Variants in ABCC9 observed in about 807,000 individuals in gnomAD.
ABCC9 encodes ATP-binding cassette sub-family C member 9.
A neutral mutation model predicts 188.3 loss-of-function variants in ABCC9; 95 were observed. The ratio of observed to expected loss-of-function variants is 0.50; its 90% CI spans 0.43 to 0.60. ABCC9 has a LOEUF of 0.60. Among genes scored for constraint, ABCC9 ranks in the 20% least tolerant of loss-of-function variants. The probability of loss-of-function intolerance (pLI) is 0.00; values close to 1 mark genes in which losing one functional copy is unlikely to be tolerated. For synonymous variants in ABCC9, 659 were observed against 652.7 expected (o/e 1.01, Z -0.15); for missense variants, 1,102 against 1,876.3 (o/e 0.59, Z 7.62).
intron 8 of ABCC9, 44 bp downstream of exon 8, chr12:21,912,828 A>G: frequency 6.3e-7 from 1 of 1,589,396 alleles, no homozygotes. Context: ...TTACAATGAA[A>G]TCCATCAATA....
Position 21,926,038 on chromosome 12 carries a change from G to T in ABCC9, c.310C>A (p.Leu104Ile). 1.2e-6 allele frequency: 2 copies of T among 1,614,148 alleles called. No individual in the cohort carries two copies. Among genetic ancestry groups the T allele is most frequent in the Non-Finnish European group, 1.7e-6 (2 of 1,180,016 alleles). Residue 104 changes from leucine (L) to isoleucine (I), a missense_variant, in exon 5 of 40, where the codon CTC (leucine) becomes ATC (isoleucine). Coordinates refer to ENST00000261200, the MANE Select transcript of ABCC9 (RefSeq NM_020297.4). ...AATCCCATCACGGCTGGCATAAAGA[G>T]GTGGAGGTGCCTTGATTCCCGCCGC... ...DSRRESRHLH[L>I]FMPAVMGFVA...
chr12:21,919,861 T>C (rs1418039771), intron 5 of ABCC9, among the ~76,000 whole-genome samples: 2 of 152,026 alleles, frequency 1.3e-5, no homozygotes, highest in South Asian at 4.1e-4. Context: ...GTAAAAAGCC[T>C]TAACAAATGA....
chr12:21,913,746 AATTTTAAGACC>A (rs1474776855), intron 7 of ABCC9, among the ~76,000 whole-genome samples: 1 of 152,200 alleles, frequency 6.6e-6, no homozygotes, highest in Non-Finnish European at 1.5e-5. Flanking sequence ...TTGTAAATAA[AATTTTAAGACC>A]TGAGCAATCA....
chr12:21,915,514 A>ATATATATATATTTTTTTTTTTTTTTTTTT lies in ABCC9; in HGVS notation c.816+153_816+154insAAAAAAAAAAAAAAAAAAATATATATATA. 5.7e-4 allele frequency among the ~76,000 whole-genome samples: 2 copies of ATATATATATATTTTTTTTTTTTTTTTTTT among 3,520 alleles called. 1 individual carries two copies. Among genetic ancestry groups the ATATATATATATTTTTTTTTTTTTTTTTTT allele is most frequent in the African/African-American group, 2.2e-3 (2 of 922 alleles). 2.3% of individuals were successfully genotyped at this position (3,520 alleles called of 152,430 possible). ...TGTGTGTGTGTGTATATATATATAT[A>ATATATATATATTTTTTTTTTTTTTTTTTT]TTTTTTTTTTTTTTTTGAGACAGAG... On this transcript the variant is annotated intron_variant, in intron 7 of 39. Transcript: ENST00000261200.
rs144446899 is a variant in ABCC9 at position 21,800,106 on chromosome 12, C to G, written c.*938G>C. Reference sequence around the variant, plus strand: ...TATAACTTCAAAGTGTAAGATATCTCCAGCCTGCCAGTGGACTGTTTCATA... The same window carrying G: ...TATAACTTCAAAGTGTAAGATATCTGCAGCCTGCCAGTGGACTGTTTCATA... On this transcript the variant is annotated 3_prime_UTR_variant, in exon 40 of 40. Coordinates refer to ENST00000261200, the MANE Select transcript of ABCC9 (RefSeq NM_020297.4). The G allele has an allele frequency of 3.3e-5, 5 of 152,258 alleles. No individual in the cohort carries two copies. Among genetic ancestry groups the G allele is most frequent in the African/African-American group, 1.2e-4 (5 of 41,544 alleles). 9.4% of individuals were successfully genotyped at this position (152,258 alleles called of 1,614,324 possible). A position where few individuals can be genotyped will look rare whatever the true frequency, so the allele number is the denominator to read the frequency against.
Position 21,894,849 on chromosome 12 carries a change from A to G in ABCC9, c.1659+426T>C, listed in dbSNP as rs917074838. Among the ~76,000 whole-genome samples, 4 of 152,100 alleles carry G rather than the reference A, an allele frequency of 2.6e-5. No individual in the cohort carries two copies. In the East Asian group the frequency reaches 5.8e-4, roughly 22 times the overall value. ...ATGAAATATAATGCAATTATTTAAGATTTTCTGGTTATTGATCTAGCTCCA... is the reference window on the plus strand; with the variant it reads ...ATGAAATATAATGCAATTATTTAAGGTTTTCTGGTTATTGATCTAGCTCCA... On this transcript the variant is annotated intron_variant, in intron 13 of 39. Transcript: ENST00000261200.
intron 14 of ABCC9, among the ~76,000 whole-genome samples, chr12:21,892,319 A>G (rs1034682134): frequency 4.6e-5 from 7 of 152,128 alleles, no homozygotes; most frequent in Non-Finnish European, 1.0e-4. Flanking sequence ...TCCTGATTTC[A>G]GAGGTGTTAT....
intron 2 of ABCC9, among the ~76,000 whole-genome samples, chr12:21,939,396 T>G (rs1949611929): frequency 6.6e-6 from 1 of 152,220 alleles, no homozygotes; most frequent in South Asian, 2.1e-4. Flanking sequence ...GGCAGTAAAC[T>G]TATTGCTGAT....
intron 18 of ABCC9, among the ~76,000 whole-genome samples, chr12:21,868,586 C>A (rs1331233812): frequency 1.3e-5 from 2 of 152,072 alleles, no homozygotes; most frequent in Non-Finnish European, 2.9e-5. Flanking sequence ...TTGCAGTGAG[C>A]CAAGATCATG....
chr12:21,926,697 T>C (rs1949058880), intron 4 of ABCC9, among the ~76,000 whole-genome samples: 2 of 152,162 alleles, frequency 1.3e-5, no homozygotes, highest in Admixed American at 1.3e-4. Context: ...AAACTGACAC[T>C]TCAAGAATCA....
Position 21,828,950 on chromosome 12 carries a change from G to T in ABCC9, c.3669+8C>A. On this transcript the variant is annotated splice_region_variant and intron_variant, in intron 31 of 39. Coordinates refer to ENST00000261200, the MANE Select transcript of ABCC9 (RefSeq NM_020297.4). ...GGTTTCCATTTCGAAATCATGAAAT[G>T]AACGTACCGTCCTGACCTCCAGCCA... The T allele has an allele frequency of 6.2e-7, 1 of 1,609,934 alleles. No homozygotes were observed. The highest frequency in any genetic ancestry group is 1.3e-5 in the African/African-American group (1 of 74,956).
At chr12:21,847,293 T>A (rs1944725084) in intron 25 of ABCC9, among the ~76,000 whole-genome samples, 1 of 152,202 alleles carries the variant, frequency 6.6e-6, no homozygotes, top group African/African-American at 2.4e-5. Flanking sequence ...GAAGCTGATG[T>A]CTGTTTACAG....
intron 8 of ABCC9, among the ~76,000 whole-genome samples, chr12:21,911,626 G>T (rs1365664725): frequency 6.6e-6 from 1 of 151,960 alleles, no homozygotes; most frequent in Non-Finnish European, 1.5e-5. Flanking sequence ...AAGAAGGAAA[G>T]ATAACATTTG....
chr12:21,910,370 T>G lies in ABCC9; in HGVS notation c.1165-58A>C, dbSNP rs1055595907. The G allele has an allele frequency of 2.1e-6, 3 of 1,444,092 alleles. No homozygotes were observed. In the East Asian group the frequency reaches 6.8e-5, roughly 33 times the overall value. The allele number at this position is 1,444,092 out of a possible 1,614,324, so 89.5% of individuals were successfully genotyped here. ...TCTAAACTTAAAATTGACACTATGATTATTTTCACTGAAAATAAATAACAA... is the reference window on the plus strand; with the variant it reads ...TCTAAACTTAAAATTGACACTATGAGTATTTTCACTGAAAATAAATAACAA... On this transcript the variant is annotated intron_variant, in intron 9 of 39. Transcript: ENST00000261200.
intron 29 of ABCC9, among the ~76,000 whole-genome samples, chr12:21,840,931 TC>T (rs1944348446): frequency 3.9e-5 from 6 of 152,260 alleles, no homozygotes; most frequent in Admixed American, 3.9e-4. Context: ...TCTTTCACCT[TC>T]CTTGCACTCA....
At chr12:21,821,984 TA>T (rs1352400503) in intron 31 of ABCC9, among the ~76,000 whole-genome samples, 1 of 152,152 alleles carries the variant, frequency 6.6e-6, no homozygotes, top group Non-Finnish European at 1.5e-5. Context: ...GCAATCCAAA[TA>T]TGCTCAAATT....
At chr12:21,889,709 A>T (rs1947055939) in intron 14 of ABCC9, among the ~76,000 whole-genome samples, 1 of 152,172 alleles carries the variant, frequency 6.6e-6, no homozygotes, top group Non-Finnish European at 1.5e-5. Flanking sequence ...TATAGACTCA[A>T]AGCTTTTATG....
intron 36 of ABCC9, among the ~76,000 whole-genome samples, chr12:21,810,411 G>A (rs145325707): frequency 2.2e-4 from 33 of 152,254 alleles, no homozygotes; most frequent in African/African-American, 7.7e-4. Flanking sequence ...GGACATACCC[G>A]AGACTGGGTA....
intron 22 of ABCC9, among the ~76,000 whole-genome samples, chr12:21,859,146 A>C (rs1025783878): frequency 3.3e-5 from 5 of 152,184 alleles, no homozygotes; most frequent in Admixed American, 6.6e-5. Context: ...AGTTGTAGGG[A>C]GCATCACAGA....
Sources: allele counts gnomAD v4.1 joint callset (sites outside exome capture counted in the v4.1 genomes callset), GRCh38; gene constraint gnomAD v4.1.1; transcripts MANE v1.5; gene names NCBI Gene and HGNC (gene_info 2026-07-23, HGNC 2026-07-21).